The following RFX3 variants were observed in gnomAD, a reference collection of about 807,000 sequenced individuals.
The protein encoded by RFX3 is regulatory factor X3.
In RFX3, 14 loss-of-function variants were observed where a neutral mutation model predicts 98.6. That is an observed-to-expected ratio of 0.14 (90% confidence interval 0.09 to 0.22). The LOEUF (loss-of-function observed/expected upper bound fraction) is 0.22, where lower values mean the gene tolerates loss of function less well. Among genes scored for constraint, RFX3 ranks in the 10% least tolerant of loss-of-function variants. The pLI is 1.00. For synonymous variants in RFX3, 383 were observed against 328.4 expected, an observed-to-expected ratio of 1.17 and a Z score of -1.80; for missense variants, 639 against 926.9, an observed-to-expected ratio of 0.69 and a Z score of 4.03.
At chr9:3,445,133 T>C (rs1405878425) in intron 1 of RFX3, among the ~76,000 whole-genome samples, 1 of 152,182 alleles carries the variant, frequency 6.6e-6, no homozygotes, top group Non-Finnish European at 1.5e-5. Flanking sequence ...CACTTGTCAA[T>C]CTTCAACTGA....
intron 4 of RFX3, among the ~76,000 whole-genome samples, chr9:3,308,789 C>T (rs1287533840): frequency 6.6e-6 from 1 of 151,892 alleles, no homozygotes; most frequent in African/African-American, 2.4e-5. Flanking sequence ...TGAGTGAGTT[C>T]AATTGAGTGA....
At chr9:3,372,700 C>G (rs1283410740) in intron 2 of RFX3, among the ~76,000 whole-genome samples, 2 of 151,992 alleles carry the variant, frequency 1.3e-5, no homozygotes, top group Non-Finnish European at 2.9e-5. Flanking sequence ...ATTCTCCTGC[C>G]TCAGCCTCCC....
At chr9:3,368,722 C>G (rs771743003) in intron 2 of RFX3, among the ~76,000 whole-genome samples, 2 of 152,132 alleles carry the variant, frequency 1.3e-5, no homozygotes, top group Non-Finnish European at 2.9e-5. Flanking sequence ...GCCTAGCCAC[C>G]TAAAATCTAT....
chr9:3,292,285 A>T (rs1239477409), intron 6 of RFX3, among the ~76,000 whole-genome samples: 1 of 151,990 alleles, frequency 6.6e-6, no homozygotes, highest in Non-Finnish European at 1.5e-5. Context: ...ATTTATAGAA[A>T]TATGGAAAGA....
chr9:3,379,583 A>T (rs1425148082), intron 2 of RFX3, among the ~76,000 whole-genome samples: 1 of 152,226 alleles, frequency 6.6e-6, no homozygotes, highest in Non-Finnish European at 1.5e-5. Flanking sequence ...TGGAAATCTC[A>T]GTTATAATGT....
chr9:3,280,616 T>C (rs910582227), intron 7 of RFX3, among the ~76,000 whole-genome samples: 5 of 151,780 alleles, frequency 3.3e-5, no homozygotes, highest in Admixed American at 6.6e-5. Context: ...CAAATACCAG[T>C]AGCAACTGAT....
intron 2 of RFX3, among the ~76,000 whole-genome samples, chr9:3,371,254 C>A (rs1441498458): frequency 2.0e-5 from 3 of 151,962 alleles, no homozygotes; most frequent in Admixed American, 2.0e-4. Flanking sequence ...TTTTTATTTG[C>A]CAGTGGAGTT....
At chr9:3,460,159 A>G (rs1847559879) in intron 1 of RFX3, among the ~76,000 whole-genome samples, 1 of 152,086 alleles carries the variant, frequency 6.6e-6, no homozygotes, top group Non-Finnish European at 1.5e-5. Context: ...ACACAAATTC[A>G]TCAGCTTTAT....
At chr9:3,247,714 C>T (rs1054379958) in intron 15 of RFX3, 5 of 1,516,750 alleles carry the variant, frequency 3.3e-6, no homozygotes, top group Non-Finnish European at 4.4e-6. Flanking sequence ...ATCAGGAGCA[C>T]CAATCTTTTT....
chr9:3,415,170 C>CA (rs1842877818), intron 1 of RFX3, among the ~76,000 whole-genome samples: 2 of 126,356 alleles, frequency 1.6e-5, no homozygotes, highest in Non-Finnish European at 3.3e-5. Flanking sequence ...TATATATATA[C>CA]TTATATATAT....
Position 3,224,267 on chromosome 9 carries a change from A to C in RFX3, c.*775T>G, listed in dbSNP as rs1234688400. 5 of 152,226 alleles carry C rather than the reference A, an allele frequency of 3.3e-5. No individual in the cohort carries two copies. The highest frequency in any genetic ancestry group is 7.3e-5 in the Non-Finnish European group (5 of 68,038). The allele number at this position is 152,226 out of a possible 1,614,324, so 9.4% of individuals were successfully genotyped here. Reference sequence around the variant, plus strand: ...GCATCTGTGCAGTGGTCCCAAATACAGAATCAGTAGTCTTTAAACAGAGGA... The same window carrying C: ...GCATCTGTGCAGTGGTCCCAAATACCGAATCAGTAGTCTTTAAACAGAGGA... On this transcript the variant is annotated 3_prime_UTR_variant, in exon 17 of 17. Transcript: ENST00000617270.
chr9:3,504,836 T>A (rs1168310543), intron 1 of RFX3, among the ~76,000 whole-genome samples: 4 of 34,166 alleles, frequency 1.2e-4, no homozygotes, highest in Non-Finnish European at 2.3e-4. Context: ...AAAATATGTA[T>A]AAAATATATA....
At chr9:3,495,131 A>T (rs1023628146) in intron 1 of RFX3, among the ~76,000 whole-genome samples, 1 of 151,700 alleles carries the variant, frequency 6.6e-6, no homozygotes, top group Non-Finnish European at 1.5e-5. Context: ...TATATATATT[A>T]TACTTTCCCC....
At chr9:3,261,807 GTATGTTATTA>G (rs1822934044) in intron 13 of RFX3, among the ~76,000 whole-genome samples, 1 of 152,006 alleles carries the variant, frequency 6.6e-6, no homozygotes, top group African/African-American at 2.4e-5. Flanking sequence ...CGCCAATAGG[GTATGTTATTA>G]TATGTCTTTT....
At chr9:3,288,543 C>G (rs966750539) in intron 6 of RFX3, among the ~76,000 whole-genome samples, 3 of 151,946 alleles carry the variant, frequency 2.0e-5, no homozygotes, top group African/African-American at 7.2e-5. Flanking sequence ...AAATTACATT[C>G]CATTTTCAAA....
At chr9:3,400,140 A>G in intron 1 of RFX3, 1 of 447,232 alleles carries the variant, frequency 2.2e-6, no homozygotes, top group Non-Finnish European at 3.0e-6. Context: ...TATTTTAAAG[A>G]TGAGTTAACT....
At chr9:3,405,883 C>A (rs1338819736) in intron 1 of RFX3, among the ~76,000 whole-genome samples, 1 of 152,106 alleles carries the variant, frequency 6.6e-6, no homozygotes, top group African/African-American at 2.4e-5. Flanking sequence ...TACTGTCTCC[C>A]CAAGTTTATA....
intron 2 of RFX3, among the ~76,000 whole-genome samples, chr9:3,386,988 C>T (rs1387563637): frequency 6.6e-6 from 1 of 152,170 alleles, no homozygotes; most frequent in Non-Finnish European, 1.5e-5. Context: ...CCATATCCCT[C>T]ACTTCCCAGG....
At chr9:3,504,163 ATATATAT>A (rs1296789613) in intron 1 of RFX3, among the ~76,000 whole-genome samples, 2 of 96,324 alleles carry the variant, frequency 2.1e-5, no homozygotes, top group Admixed American at 2.4e-4. Flanking sequence ...ATTATATATT[ATATATAT>A]TATATATTAT....
Sources: gnomAD v4.1 joint callset for allele counts (sites outside exome capture counted in the v4.1 genomes callset) on GRCh38, gnomAD v4.1.1 for gene constraint, MANE v1.5 for transcripts, NCBI Gene and HGNC (gene_info 2026-07-23, HGNC 2026-07-21) for gene names.